The following GCC2 variants were observed in gnomAD, a reference collection of about 807,000 sequenced individuals.
GCC2 encodes GRIP and coiled-coil domain containing 2, also known as GRIP and coiled-coil domain-containing protein 2.
Under a neutral mutation model 210.6 loss-of-function variants are expected in GCC2, and 120 were observed. The ratio of observed to expected loss-of-function variants is 0.57; its 90% CI spans 0.49 to 0.66. The LOEUF (loss-of-function observed/expected upper bound fraction) is 0.66, where lower values mean the gene tolerates loss of function less well. Among genes scored for constraint, GCC2 ranks in the 30% least tolerant of loss-of-function variants. The probability of loss-of-function intolerance (pLI) is 0.00; values close to 1 mark genes in which losing one functional copy is unlikely to be tolerated. For synonymous variants in GCC2, 703 were observed against 652.7 expected, an observed-to-expected ratio of 1.08 and a Z score of -1.17; for missense variants, 1,868 against 1,871.9, an observed-to-expected ratio of 1.00 and a Z score of 0.04.
chr2:108,458,603 C>A (rs1266981525), intron 4 of GCC2, among the ~76,000 whole-genome samples: 1 of 151,792 alleles, frequency 6.6e-6, no homozygotes. Flanking sequence ...TCTTGCTACT[C>A]ATTATTAATT....
chr2:108,503,086 T>C (rs956431005), intron 22 of GCC2, among the ~76,000 whole-genome samples: 4 of 151,822 alleles, frequency 2.6e-5, no homozygotes, highest in African/African-American at 7.3e-5. Flanking sequence ...AGATAATATA[T>C]GAAGAGAATG....
intron 22 of GCC2, among the ~76,000 whole-genome samples, chr2:108,503,156 T>A (rs914836316): frequency 2.2e-5 from 3 of 136,766 alleles, no homozygotes; most frequent in African/African-American, 7.6e-5. Flanking sequence ...CAATAAAATC[T>A]CAAGCAGTAT....
intron 22 of GCC2, among the ~76,000 whole-genome samples, chr2:108,500,916 T>C (rs1316754708): frequency 6.6e-6 from 1 of 152,180 alleles, no homozygotes; most frequent in African/African-American, 2.4e-5. Flanking sequence ...GCCTGTGTTA[T>C]TGTGAATGTC....
At chr2:108,467,512 G>A (rs951911491) in intron 4 of GCC2, among the ~76,000 whole-genome samples, 3 of 151,716 alleles carry the variant, frequency 2.0e-5, no homozygotes, top group Admixed American at 1.3e-4. Context: ...ACAGAGCCTC[G>A]CCTGTTACCT....
intron 12 of GCC2, among the ~76,000 whole-genome samples, chr2:108,483,775 A>T (rs1046071849): frequency 6.6e-6 from 1 of 152,174 alleles, no homozygotes; most frequent in African/African-American, 2.4e-5. Context: ...AATTTGTATT[A>T]TACTTAAAAC....
intron 13 of GCC2, among the ~76,000 whole-genome samples, chr2:108,485,036 T>C (rs544821876): frequency 6.6e-6 from 1 of 151,716 alleles, no homozygotes; most frequent in African/African-American, 2.4e-5. Context: ...ATGGATGAAA[T>C]TGGAAATCAT....
intron 4 of GCC2, among the ~76,000 whole-genome samples, chr2:108,454,807 TCTACTGCACATAGAA>T (rs1489066019): frequency 1.3e-5 from 2 of 152,174 alleles, no homozygotes; most frequent in Non-Finnish European, 2.9e-5. Context: ...AGGTAATATA[TCTACTGCACATAGAA>T]CTGGGTTGGT....
At chr2:108,450,913 G>T in intron 2 of GCC2, 115 bp from the exon 3 acceptor site, 2 of 683,054 alleles carry the variant, frequency 2.9e-6, no homozygotes, top group Non-Finnish European at 5.1e-6. Flanking sequence ...GTATGCGGTT[G>T]GCATAAAGAT....
Position 108,486,576 on chromosome 2 carries a change from A to G in GCC2, c.3858A>G (p.Glu1286=). The change falls in exon 16 of 23, where the codon GAA becomes GAG. Residue 1286 remains glutamate, a synonymous_variant. Coordinates refer to ENST00000309863, the MANE Select transcript of GCC2 (RefSeq NM_181453.4). ...ACGAGCACCTGAAAACCTCTGCGGA[A>G]CAGCACCAGCGTACGCTAAGTGCAT... ...KIHEHLKTSA[E]QHQRTLSAYQ... 6.2e-7 allele frequency: 1 copy of G among 1,614,116 alleles called. No individual in the cohort carries two copies. The highest frequency in any genetic ancestry group is 8.5e-7 in the Non-Finnish European group (1 of 1,179,920).
At chr2:108,466,045 G>C (rs1019558301) in intron 4 of GCC2, among the ~76,000 whole-genome samples, 1 of 152,046 alleles carries the variant, frequency 6.6e-6, no homozygotes, top group Non-Finnish European at 1.5e-5. Flanking sequence ...TTATGATGTT[G>C]AGCATTTTTT....
At chr2:108,465,570 C>G (rs896182251) in intron 4 of GCC2, among the ~76,000 whole-genome samples, 10 of 152,260 alleles carry the variant, frequency 6.6e-5, no homozygotes, top group African/African-American at 2.4e-4. Context: ...ATACTCATCG[C>G]TTAGCTCCTA....
At position 108,475,623 on chromosome 2, in the gene GCC2, C is replaced by A; in HGVS notation, c.2949C>A (p.Ser983=). 1.3e-6 allele frequency: 2 copies of A among 1,537,806 alleles called. No homozygotes were observed. Among genetic ancestry groups the A allele is most frequent in the African/African-American group, 1.4e-5 (1 of 71,358 alleles). Residue 983 remains serine (S), a synonymous_variant, in exon 8 of 23, where the codon TCC becomes TCA. Coordinates refer to ENST00000309863, the MANE Select transcript of GCC2 (RefSeq NM_181453.4). ...VAVKAKKELD[S]SRKETQTVKE... is the part of the protein sequence containing the mutation. ...TAAAGGCAAAGAAAGAACTAGATTC[C>A]AGCAGAAAAGAGGTGAGCTGACTTT... is the stretch of plus-strand genomic sequence containing the variant.
rs775513231 is a variant in GCC2, at chr2:108,484,142, T to C, written c.3451-7T>C. 6.4e-7 allele frequency: 1 copy of C among 1,554,984 alleles called. No individual in the cohort carries two copies. The highest frequency in any genetic ancestry group is 1.2e-5 in the South Asian group (1 of 81,570). On this transcript the variant is annotated splice_region_variant and splice_polypyrimidine_tract_variant and intron_variant, in intron 12 of 22. Transcript: ENST00000309863. Reference sequence around the variant, plus strand: ...TTGTGTAAATCTTTTACTTATAAAATGTGCAGGATGCCCAACAAACCACAT... The same window carrying C: ...TTGTGTAAATCTTTTACTTATAAAACGTGCAGGATGCCCAACAAACCACAT...
chr2:108,472,443 G>A (rs931656511), intron 6 of GCC2, among the ~76,000 whole-genome samples: 2 of 152,042 alleles, frequency 1.3e-5, no homozygotes. Context: ...CGTGTGATAT[G>A]CTTAGTTATT....
In GCC2 at chr2:108,469,742, T is replaced by C; in HGVS notation, c.413T>C (p.Leu138Ser). 6.2e-7 allele frequency: 1 copy of C among 1,613,390 alleles called. No individual in the cohort carries two copies. Reference protein sequence around the residue: ...VKEIENLKNELMAVRSKYSED... With the variant: ...VKEIENLKNESMAVRSKYSED... The stretch of plus-strand genomic sequence containing the variant: ...GAAATTGAAAATTTGAAAAATGAGT[T>C]GATGGCAGTACGTTCCAAATACAGT... The change falls in exon 6 of 23, where the codon TTG (leucine) becomes TCG (serine). Residue 138 changes from leucine to serine, a missense_variant. Transcript: ENST00000309863.
chr2:108,494,145 G>A (rs1242914662), intron 19 of GCC2: 5 of 342,570 alleles, frequency 1.5e-5, no homozygotes, highest in African/African-American at 4.5e-5. Context: ...AGCCAAGGCA[G>A]GTGGATCACA....
At chr2:108,453,905 TAA>T (rs1356247944) in intron 4 of GCC2, among the ~76,000 whole-genome samples, 6 of 152,272 alleles carry the variant, frequency 3.9e-5, no homozygotes, top group South Asian at 2.1e-4. Context: ...CAAGCTTCTG[TAA>T]AGTTTCTTTT....
rs1258276024 is a variant in GCC2 at position 108,508,706 on chromosome 2, A to G, written c.*1076A>G. ...TTTAGACACCTTAGAGGTCCGTGCT[A>G]CATCGTCACAGTTCCTCCGAATAAC... On this transcript the variant is annotated 3_prime_UTR_variant, in exon 23 of 23. Coordinates refer to ENST00000309863, the MANE Select transcript of GCC2 (RefSeq NM_181453.4). 3.3e-5 allele frequency: 5 copies of G among 152,518 alleles called. No individual in the cohort carries two copies. The highest frequency in any genetic ancestry group is 4.8e-5 in the African/African-American group (2 of 41,430). 9.4% of individuals were successfully genotyped at this position (152,518 alleles called of 1,614,324 possible).
chr2:108,483,440 G>A (rs147892108), intron 12 of GCC2, among the ~76,000 whole-genome samples: 2 of 151,960 alleles, frequency 1.3e-5, no homozygotes, highest in East Asian at 1.9e-4. Flanking sequence ...GGTTAGGCTC[G>A]TCTGGAACTC....
Sources: gnomAD v4.1 joint callset for allele counts (sites outside exome capture counted in the v4.1 genomes callset) on GRCh38, gnomAD v4.1.1 for gene constraint, MANE v1.5 for transcripts, NCBI Gene and HGNC (gene_info 2026-07-23, HGNC 2026-07-21) for gene names.